The following CEP104 variants were observed in gnomAD, a reference collection of about 807,000 sequenced individuals.
CEP104 encodes centrosomal protein of 104 kDa.
In CEP104, 84 loss-of-function variants were observed where a neutral mutation model predicts 113.3. The observed-to-expected ratio is 0.74, with a 90% confidence interval of 0.62 to 0.89. CEP104 has a LOEUF of 0.89. Ranked by LOEUF, CEP104 falls within the 40% of genes least tolerant of loss-of-function variation. The pLI is 0.00. For missense variants in CEP104, 1,053 were observed against 1,156.6 expected (o/e 0.91, Z 1.30); for synonymous variants, 378 against 421.7 (o/e 0.90, Z 1.27).
At chr1:3,818,763 C>G (rs1347262494) in intron 20 of CEP104, among the ~76,000 whole-genome samples, 2 of 152,198 alleles carry the variant, frequency 1.3e-5, no homozygotes, top group Non-Finnish European at 2.9e-5. Flanking sequence ...AATGAGTGTA[C>G]AGTTCAGTAG....
At position 3,845,279 on chromosome 1, in the gene CEP104, C is replaced by T. The variant is rs200637879; in HGVS notation, c.489+10G>A. 1.3e-6 allele frequency: 2 copies of T among 1,577,424 alleles called. No homozygotes were observed. Among genetic ancestry groups the T allele is most frequent in the African/African-American group, 2.7e-5 (2 of 73,628 alleles). On this transcript the variant is annotated intron_variant, in intron 5 of 21. Transcript: ENST00000378230. The stretch of plus-strand genomic sequence containing the variant: ...TTACTTCCTTAGGAATTAAAACTTT[C>T]CAAACTTACAGTATTGCTTTCATCA...
At position 3,823,023 on chromosome 1, in the gene CEP104, G is replaced by T; in HGVS notation, c.2571+151C>A. The T allele has an allele frequency of 1.4e-6, 1 of 692,324 alleles. No individual in the cohort carries two copies. The highest frequency in any genetic ancestry group is 1.8e-5 in the South Asian group (1 of 56,516). The allele number at this position is 692,324 out of a possible 1,614,324, so 42.9% of individuals were successfully genotyped here. ...CGTAGGTAAACGGAACGACTGCTCA[G>T]ACAGGGCTCACTAGACGCTGTCCCC... On this transcript the variant is annotated intron_variant, in intron 20 of 21. Transcript: ENST00000378230. This position sits in a 1 kb window ranked among gnomAD's most constrained non-coding sequence, Gnocchi z 4.1.
In CEP104 at chr1:3,833,871, A is replaced by G. The variant is rs1644261813; in HGVS notation, c.1650T>C (p.Asn550=). Reference sequence around the variant, plus strand: ...GTGGTGAAGTTCAGACCTGAATAAAATTTGCAGCTGTGACGCGGAGGCGGG... The same window carrying G: ...GTGGTGAAGTTCAGACCTGAATAAAGTTTGCAGCTGTGACGCGGAGGCGGG... ...SSARLRVTAA[N]FIQEMALFKE... is the part of the protein sequence containing the mutation. The change falls in exon 12 of 22, where the codon AAT becomes AAC. Residue 550 remains asparagine, a synonymous_variant. Transcript: ENST00000378230. The G allele has an allele frequency of 2.5e-6, 4 of 1,614,258 alleles. No homozygotes were observed. Among genetic ancestry groups the G allele is most frequent in the Non-Finnish European group, 2.5e-6 (3 of 1,180,044 alleles).
chr1:3,826,672 A>G (rs1644098005), intron 16 of CEP104, 36 bp downstream of exon 16: 1 of 1,611,162 alleles, frequency 6.2e-7, no homozygotes, highest in South Asian at 1.1e-5. Context: ...TTCTTTACAC[A>G]CCCCAGTTCT....
Position 3,813,285 on chromosome 1 carries a change from C to CT in CEP104, c.*2116dup, listed in dbSNP as rs1288422399. 3.4e-5 allele frequency: 5 copies of CT among 148,550 alleles called. No homozygotes were observed. The highest frequency in any genetic ancestry group is 7.5e-5 in the African/African-American group (3 of 40,098). The allele number at this position is 148,550 out of a possible 1,614,324, so 9.2% of individuals were successfully genotyped here. ...TTTTTTTTCGAGACGGAGTCTCGCTCTGTCGCCTGGGCTGGAGTGCAATGG... is the reference window on the plus strand; with the variant it reads ...TTTTTTTTCGAGACGGAGTCTCGCTCTTGTCGCCTGGGCTGGAGTGCAATGG... On this transcript the variant is annotated 3_prime_UTR_variant, in exon 22 of 22. Coordinates refer to ENST00000378230, the MANE Select transcript of CEP104 (RefSeq NM_014704.4).
At position 3,847,567 on chromosome 1, in the gene CEP104, C is replaced by T; in HGVS notation, c.334G>A (p.Glu112Lys). Residue 112 changes from glutamate (E) to lysine (K), a missense_variant, in exon 4 of 22, where the codon GAA becomes AAA. By Grantham distance (56) the Glu-to-Lys change is moderately conservative (BLOSUM62 1). Transcript: ENST00000378230. The part of the protein sequence containing the change: ...DNEKTGCKAR[E>K]LKSVYVDAVG... ...GCATCCACATAAACTGATTTTAGTT[C>T]CCGGGCTTTGCAACCTGTCTTTTCA... 1 of 1,613,848 alleles carries T rather than the reference C, an allele frequency of 6.2e-7. No homozygotes were observed. The highest frequency in any genetic ancestry group is 8.5e-7 in the Non-Finnish European group (1 of 1,179,914).
At chr1:3,856,775 C>A (rs1644740724) in intron 1 of CEP104, 114 bp downstream of exon 1, 1 of 152,066 alleles carries the variant, frequency 6.6e-6, no homozygotes, top group Non-Finnish European at 1.5e-5. Context: ...CGCACCCAGG[C>A]TTCGTACCCA....
At chr1:3,826,659 C>A (rs376407444) in intron 16 of CEP104, 49 bp downstream of exon 16, 3 of 1,604,422 alleles carry the variant, frequency 1.9e-6, no homozygotes, top group Non-Finnish European at 2.6e-6. Context: ...TTACACACCC[C>A]GATTCTTTAC....
chr1:3,825,000 C>G (rs35600686), intron 18 of CEP104, among the ~76,000 whole-genome samples: 2 of 24,918 alleles, frequency 8.0e-5, no homozygotes, highest in Non-Finnish European at 7.4e-5. Context: ...GGCAGTGGCA[C>G]TGTGGGAAGG....
At position 3,838,993 on chromosome 1, in the gene CEP104, C is replaced by G. The variant is rs768799554; in HGVS notation, c.862G>C (p.Glu288Gln). The change falls in exon 8 of 22, where the codon GAG becomes CAG. Residue 288 changes from glutamate (E) to glutamine (Q), a missense_variant. Physicochemically the swap from Glu to Gln is conservative, Grantham distance 29. Coordinates refer to ENST00000378230, the MANE Select transcript of CEP104 (RefSeq NM_014704.4). ...TCGGCATCCAGGAGGCTGTGCAGCT[C>G]CAGCTGCTCGTACACCTCGGCACGA... ...QYRAEVYEQL[E>Q]LHSLLDAELM... is the part of the protein sequence containing the mutation. 18 of 1,614,176 alleles carry G rather than the reference C, an allele frequency of 1.1e-5. No individual in the cohort carries two copies. Among genetic ancestry groups the G allele is most frequent in the Admixed American group, 6.7e-5 (4 of 60,020 alleles).
intron 8 of CEP104, among the ~76,000 whole-genome samples, chr1:3,838,716 A>AT (rs1644359349): frequency 6.6e-6 from 1 of 152,236 alleles, no homozygotes; most frequent in Non-Finnish European, 1.5e-5. Context: ...GCAGAAAAGC[A>AT]GCAGGGCCTC....
chr1:3,841,094 G>C (rs1375661655), intron 6 of CEP104, among the ~76,000 whole-genome samples: 1 of 152,166 alleles, frequency 6.6e-6, no homozygotes, highest in South Asian at 2.1e-4. Flanking sequence ...AGCAACGAGA[G>C]GATGAGGATG....
intron 20 of CEP104, among the ~76,000 whole-genome samples, chr1:3,821,120 T>A (rs1643963860): frequency 6.6e-6 from 1 of 152,218 alleles, no homozygotes. Flanking sequence ...AGACATCCAT[T>A]CCTGCTAATG....
intron 6 of CEP104, chr1:3,843,287 C>T: frequency 1.4e-6 from 1 of 693,346 alleles, no homozygotes; most frequent in Non-Finnish European, 2.7e-6. Context: ...GGCCCTTTAG[C>T]TCCCCAAAAG....
chr1:3,838,294 AG>A (rs1224828413), intron 8 of CEP104, among the ~76,000 whole-genome samples: 1 of 152,182 alleles, frequency 6.6e-6, no homozygotes, highest in African/African-American at 2.4e-5. Flanking sequence ...CTAGGACTAC[AG>A]GTGTGTGCCA....
rs566627848 is a variant in CEP104 at position 3,819,223 on chromosome 1, G to A, written c.2572-2853C>T. ...ACGTTAAGTCAAAGACACAAAGGCC[G>A]CATAGTGTCTGATTCCATTTACAGG... On this transcript the variant is annotated intron_variant, in intron 20 of 21. Transcript: ENST00000378230. This position sits in a 1 kb window ranked among gnomAD's most constrained non-coding sequence, Gnocchi z 4.6. Among the ~76,000 whole-genome samples the A allele has an allele frequency of 1.3e-5, 2 of 152,328 alleles. No individual in the cohort carries two copies. Among genetic ancestry groups the A allele is most frequent in the South Asian group, 4.1e-4 (2 of 4,828 alleles).
At position 3,847,465 on chromosome 1, in the gene CEP104, T is replaced by C. The variant is rs1403761480; in HGVS notation, c.426+10A>G. 12 of 1,570,942 alleles carry C rather than the reference T, an allele frequency of 7.6e-6. No individual in the cohort carries two copies. Among genetic ancestry groups the C allele is most frequent in the Non-Finnish European group, 1.0e-5 (12 of 1,160,740 alleles). On this transcript the variant is annotated intron_variant, in intron 4 of 21. Coordinates refer to ENST00000378230, the MANE Select transcript of CEP104 (RefSeq NM_014704.4). ...GGGCAGAATCAAAGGCGAAGCTGCA[T>C]GCATCTTACCTGATTATATATGTTG... is the stretch of plus-strand genomic sequence containing the variant.
intron 10 of CEP104, 23 bp downstream of exon 10, chr1:3,836,472 T>TG: frequency 3.1e-6 from 4 of 1,305,788 alleles, no homozygotes; most frequent in Non-Finnish European, 3.0e-6. Context: ...CACCCCGTTT[T>TG]TTTTTTTTTT....
chr1:3,850,939 G>C (rs1174197004), intron 2 of CEP104, among the ~76,000 whole-genome samples: 1 of 152,218 alleles, frequency 6.6e-6, no homozygotes, highest in Non-Finnish European at 1.5e-5. Context: ...AAATAACACG[G>C]AACATGTGCT....
Sources: gnomAD v4.1 joint callset for allele counts (sites outside exome capture counted in the v4.1 genomes callset) on GRCh38, gnomAD v4.1.1 for gene constraint, Gnocchi (gnomAD v3.1) non-coding constraint, MANE v1.5 for transcripts, NCBI Gene and HGNC (gene_info 2026-07-23, HGNC 2026-07-21) for gene names.